Variants in KLHL6 observed in about 807,000 individuals in gnomAD.
KLHL6 encodes the protein kelch like family member 6.
In KLHL6, 41 loss-of-function variants were observed where a neutral mutation model predicts 58.6. The observed-to-expected ratio is 0.70, with a 90% CI of 0.55 to 0.91. KLHL6 has a LOEUF of 0.91. KLHL6 is among the 40% of genes least tolerant of loss of function. The pLI, the probability that KLHL6 is intolerant of heterozygous loss-of-function variation, is 0.00. For synonymous variants in KLHL6, 338 were observed against 322.7 expected, an observed-to-expected ratio of 1.05 and a Z score of -0.51; for missense variants, 714 against 805.6, an observed-to-expected ratio of 0.89 and a Z score of 1.38.
intron 1 of KLHL6, among the ~76,000 whole-genome samples, chr3:183,542,241 G>A (rs1712575661): frequency 6.6e-6 from 1 of 152,142 alleles, no homozygotes; most frequent in African/African-American, 2.4e-5. Context: ...TTATTTTAAG[G>A]GAGATCTTGG....
intron 1 of KLHL6, among the ~76,000 whole-genome samples, chr3:183,534,355 ATG>A (rs1712289418): frequency 6.6e-6 from 1 of 151,940 alleles, no homozygotes; most frequent in South Asian, 2.1e-4. Flanking sequence ...TAGAAATGTA[ATG>A]TGAGTCATCT....
At chr3:183,513,535 G>A (rs559926509) in intron 2 of KLHL6, among the ~76,000 whole-genome samples, 16 of 152,162 alleles carry the variant, frequency 1.1e-4, no homozygotes, top group African/African-American at 3.9e-4. Flanking sequence ...ACAAGATGCC[G>A]GTTCCTATTC....
chr3:183,552,898 C>T (rs1216178780), intron 1 of KLHL6, among the ~76,000 whole-genome samples: 1 of 152,100 alleles, frequency 6.6e-6, no homozygotes, highest in Non-Finnish European at 1.5e-5. Context: ...TTTGCTGTGA[C>T]ACTCTGGACT....
intron 1 of KLHL6, among the ~76,000 whole-genome samples, chr3:183,530,108 C>T (rs1002953759): frequency 7.2e-5 from 11 of 151,980 alleles, no homozygotes; most frequent in Non-Finnish European, 1.5e-4. Flanking sequence ...TCCATCCAGT[C>T]GATGGTGTTT....
At chr3:183,554,560 T>C (rs1271258544) in intron 1 of KLHL6, among the ~76,000 whole-genome samples, 2 of 152,152 alleles carry the variant, frequency 1.3e-5, no homozygotes, top group Admixed American at 6.5e-5. Flanking sequence ...GCCTCTCCCA[T>C]CTAAAGCATC....
intron 2 of KLHL6, among the ~76,000 whole-genome samples, chr3:183,524,429 C>T (rs1711877904): frequency 6.6e-6 from 1 of 152,182 alleles, no homozygotes; most frequent in Non-Finnish European, 1.5e-5. Flanking sequence ...TTGGCCAATG[C>T]ATTACGGCCA....
rs1178385825 is a variant in KLHL6, at chr3:183,508,124, T to C, written c.844A>G (p.Arg282Gly). ...AGCGGGAAGACCTCTGGGCACTGCCTGATGAGAGGATCTGCTTCCACCGTC... is the reference window on the plus strand; with the variant it reads ...AGCGGGAAGACCTCTGGGCACTGCCCGATGAGAGGATCTGCTTCCACCGTC... ...VETVEADPLI[R>G]QCPEVFPLLQ... Residue 282 changes from arginine to glycine, a missense_variant, in exon 3 of 7, where the codon AGG (arginine) becomes GGG (glycine). Around this residue, in one of 2 missense-constraint regions of KLHL6, gnomAD observed 510 missense variants for 629.7 expected, o/e 0.81. Coordinates refer to ENST00000341319, the MANE Select transcript of KLHL6 (RefSeq NM_130446.4). 7 of 1,614,062 alleles carry C rather than the reference T, an allele frequency of 4.3e-6. No individual in the cohort carries two copies. Among genetic ancestry groups the C allele is most frequent in the Non-Finnish European group, 5.9e-6 (7 of 1,180,048 alleles).
intron 1 of KLHL6, among the ~76,000 whole-genome samples, chr3:183,555,038 C>T (rs1459487638): frequency 6.6e-6 from 1 of 151,998 alleles, no homozygotes; most frequent in African/African-American, 2.4e-5. Context: ...GTGGTGCATG[C>T]CTGCAAATCC....
In KLHL6 at chr3:183,508,275, C is replaced by T. The variant is rs779204714; in HGVS notation, c.693G>A (p.Glu231=). ...TCACGGTCTCAAACACCTGAGCCTCCTCGGTCACGTAAAGGTCATCACTCT... is the reference window on the plus strand; with the variant it reads ...TCACGGTCTCAAACACCTGAGCCTCTTCGGTCACGTAAAGGTCATCACTCT... ...ILKSDDLYVT[E]EAQVFETVMS... is the part of the protein sequence containing the mutation. The change falls in exon 3 of 7, where the codon GAG becomes GAA. Residue 231 remains glutamate, a synonymous_variant. Coordinates refer to ENST00000341319, the MANE Select transcript of KLHL6 (RefSeq NM_130446.4). The T allele has an allele frequency of 1.9e-6, 3 of 1,614,094 alleles. No homozygotes were observed. Among genetic ancestry groups the T allele is most frequent in the South Asian group, 2.2e-5 (2 of 91,086 alleles).
intron 1 of KLHL6, among the ~76,000 whole-genome samples, chr3:183,546,703 C>G (rs1577204606): frequency 1.3e-5 from 2 of 152,230 alleles, no homozygotes; most frequent in East Asian, 3.9e-4. Context: ...GACTTATTAC[C>G]ACGCATAAAG....
intron 1 of KLHL6, among the ~76,000 whole-genome samples, chr3:183,542,055 G>T (rs567615459): frequency 6.6e-6 from 1 of 152,158 alleles, no homozygotes; most frequent in South Asian, 2.1e-4. Context: ...TGCTCTCTGT[G>T]GTCCGGCTGC....
rs912166163 is a variant in KLHL6, at chr3:183,502,626, T to G, written c.910-2799A>C. Among the ~76,000 whole-genome samples the G allele has an allele frequency of 2.6e-5, 4 of 152,284 alleles. No homozygotes were observed. In the East Asian group the frequency reaches 7.7e-4, roughly 29 times the overall value. The stretch of plus-strand genomic sequence containing the variant: ...TAGAGATGCCCATATGGCAAGAAAC[T>G]GAGGCTCCCAACCAGCAGCCAGCAA... On this transcript the variant is annotated intron_variant, in intron 3 of 6. Transcript: ENST00000341319.
At chr3:183,548,470 T>C (rs1162366743) in intron 1 of KLHL6, among the ~76,000 whole-genome samples, 2 of 152,178 alleles carry the variant, frequency 1.3e-5, no homozygotes, top group African/African-American at 4.8e-5. Context: ...CCTGGAATCC[T>C]TGTCTGGATT....
chr3:183,551,069 G>A (rs55639057), intron 1 of KLHL6, among the ~76,000 whole-genome samples: 13,193 of 150,084 alleles, frequency 0.088, 797 homozygotes, highest in African/African-American at 0.17. Context: ...TGCAATGAGC[G>A]GAGATACTGC....
chr3:183,555,590 CT>C lies in KLHL6; in HGVS notation c.63del (p.Leu24TrpfsTer19). 6.2e-7 allele frequency: 1 copy of C among 1,613,922 alleles called. No individual in the cohort carries two copies. The highest frequency in any genetic ancestry group is 8.5e-7 in the Non-Finnish European group (1 of 1,179,982). On this transcript the variant is annotated frameshift_variant, in exon 1 of 7. Coordinates refer to ENST00000341319, the MANE Select transcript of KLHL6 (RefSeq NM_130446.4). LOFTEE classifies it high-confidence loss of function. ...TCATCTGTAGAAGGTGCCAGGGGCC[CT>C]TCCAAACTCTTCTCGACCACATCAC... ...TMGDVVEKSLEGPLAPSTDEP... is the reference protein window; with the variant it reads ...TMGDVVEKSLXGPLAPSTDEP...
At chr3:183,505,189 C>T (rs1717969550) in intron 3 of KLHL6, among the ~76,000 whole-genome samples, 1 of 152,190 alleles carries the variant, frequency 6.6e-6, no homozygotes, top group South Asian at 2.1e-4. Flanking sequence ...GTTTCCTAGG[C>T]TCCCCCCATC....
In KLHL6 at chr3:183,504,811, T is replaced by C. The variant is rs1717959694; in HGVS notation, c.909+3248A>G. ...ATCATCCGTATGATGAAATCATACA[T>C]AAGCATAGTACCTGATAGGTAGTTT... On this transcript the variant is annotated intron_variant, in intron 3 of 6. Coordinates refer to ENST00000341319, the MANE Select transcript of KLHL6 (RefSeq NM_130446.4). Among the ~76,000 whole-genome samples, 3 of 152,190 alleles carry C rather than the reference T, an allele frequency of 2.0e-5. No individual in the cohort carries two copies. The South Asian group carries it at 6.2e-4, about 32-fold the overall frequency.
intron 3 of KLHL6, among the ~76,000 whole-genome samples, chr3:183,507,686 G>A (rs1718048635): frequency 6.6e-6 from 1 of 151,954 alleles, no homozygotes; most frequent in Non-Finnish European, 1.5e-5. Context: ...ACCCGCCCTG[G>A]GCCTCCCAAA....
intron 1 of KLHL6, among the ~76,000 whole-genome samples, chr3:183,532,923 A>G (rs1712206824): frequency 6.6e-6 from 1 of 152,240 alleles, no homozygotes; most frequent in Non-Finnish European, 1.5e-5. Context: ...AGAGTCAAGT[A>G]TCAGATGAAC....
Sources: gnomAD v4.1 joint callset for allele counts (sites outside exome capture counted in the v4.1 genomes callset) on GRCh38, gnomAD v4.1.1 for gene constraint, gnomAD v4.1.1 regional missense constraint, MANE v1.5 for transcripts, NCBI Gene and HGNC (gene_info 2026-07-23, HGNC 2026-07-21) for gene names.